C8orf58: variants seen among roughly 807,000 people sequenced by gnomAD.
C8orf58 encodes uncharacterized protein C8orf58.
C8orf58 carries 31 observed loss-of-function variants against 36.8 expected under a neutral mutation model. The observed-to-expected ratio is 0.84, with a 90% CI of 0.63 to 1.14. The LOEUF is 1.14. Ranked by LOEUF, C8orf58 falls within the 50% of genes most tolerant of loss-of-function variation. The pLI is 0.00. For missense variants in C8orf58, 538 were observed against 480.8 expected, an observed-to-expected ratio of 1.12 and a Z score of -1.11; for synonymous variants, 230 against 200.2, an observed-to-expected ratio of 1.15 and a Z score of -1.26.
At chr8:22,602,174 T>C in intron 4 of C8orf58, 26 bp from the exon 5 acceptor site, 2 of 1,573,406 alleles carry the variant, frequency 1.3e-6, no homozygotes, top group Non-Finnish European at 1.7e-6. Context: ...CTTCTGGCCC[T>C]GGCCAACCTG....
At position 22,601,844 on chromosome 8, in the gene C8orf58, C is replaced by A. The variant is rs571851428; in HGVS notation, c.649C>A (p.Pro217Thr). The change falls in exon 3 of 7, where the codon CCC (proline) becomes ACC (threonine). Residue 217 changes from proline (P) to threonine (T), a missense_variant. Pro to Thr is a conservative substitution (Grantham distance 38). Transcript: ENST00000289989. ...QLYLQLRIQR[P>T]PGDPGEEEST... ...CTACCTGCAGCTGCGGATCCAGAGG[C>A]CCCCAGGGGTGAGTGAGATTCGAGT... is the stretch of plus-strand genomic sequence containing the variant. 14 of 1,604,400 alleles carry A rather than the reference C, an allele frequency of 8.7e-6. No homozygotes were observed. Among genetic ancestry groups the A allele is most frequent in the Middle Eastern group, 1.7e-4 (1 of 6,006 alleles).
intron 2 of C8orf58, 54 bp from the exon 3 acceptor site, chr8:22,601,658 G>A: frequency 1.3e-6 from 2 of 1,547,172 alleles, no homozygotes; most frequent in Non-Finnish European, 1.7e-6. Flanking sequence ...GCTGCTTAGG[G>A]TAGGGCAGGA....
Position 22,603,448 on chromosome 8 carries a change from C to T in C8orf58, c.*142C>T. ...TCCTCTCTTGAGTCGAGGGCTGAAT[C>T]TTTCTCCTCTAAGCAGTCTGGTCAG... On this transcript the variant is annotated 3_prime_UTR_variant, in exon 7 of 7. Transcript: ENST00000289989. 2.8e-6 allele frequency: 2 copies of T among 712,496 alleles called. No homozygotes were observed. Among genetic ancestry groups the T allele is most frequent in the South Asian group, 3.0e-5 (2 of 67,128 alleles). 44.1% of individuals were successfully genotyped at this position (712,496 alleles called of 1,614,324 possible).
Position 22,601,766 on chromosome 8 carries a change from T to C in C8orf58, c.571T>C (p.Tyr191His). 6.2e-7 allele frequency: 1 copy of C among 1,612,342 alleles called. No homozygotes were observed. The highest frequency in any genetic ancestry group is 8.5e-7 in the Non-Finnish European group (1 of 1,179,766). ...WACLPGQGLRYLEHLCLVLEQ... is the reference protein window; with the variant it reads ...WACLPGQGLRHLEHLCLVLEQ... ...CTGCCTCCCCGGGCAGGGTCTTCGC[T>C]ATCTGGAACACCTGTGCCTGGTGCT... Residue 191 changes from tyrosine (Y) to histidine (H), a missense_variant, in exon 3 of 7, where the codon TAT becomes CAT. Transcript: ENST00000289989.
chr8:22,600,976 C>G lies in C8orf58; in HGVS notation c.135C>G (p.Ser45=), dbSNP rs868537785. Residue 45 remains serine (S), a synonymous_variant, in exon 2 of 7, where the codon TCC becomes TCG. Transcript: ENST00000289989. The stretch of plus-strand genomic sequence containing the variant: ...CCGACGCTGCCCACGGGTGCTCATC[C>G]TGGGAGAGAGGTGACAAGTTCAGAG... ...RIPDAAHGCS[S]WERGDKFRGV... 6.2e-7 allele frequency: 1 copy of G among 1,612,622 alleles called. No individual in the cohort carries two copies. The highest frequency in any genetic ancestry group is 1.7e-5 in the Admixed American group (1 of 60,006).
Position 22,601,202 on chromosome 8 carries a change from T to A in C8orf58, c.361T>A (p.Ser121Thr). 1.2e-6 allele frequency: 2 copies of A among 1,607,662 alleles called. No individual in the cohort carries two copies. The highest frequency in any genetic ancestry group is 1.7e-6 in the Non-Finnish European group (2 of 1,177,956). ...SQKLGEVLER[S>T]RRLPTAPTSL... ...GAAGCTGGGGGAGGTGTTGGAGCGG[T>A]CCCGCCGGCTCCCAACAGCTCCCAC... Residue 121 changes from serine (S) to threonine (T), a missense_variant, in exon 2 of 7, where the codon TCC (serine) becomes ACC (threonine). Ser to Thr is a moderately conservative substitution (Grantham distance 58). Coordinates refer to ENST00000289989, the MANE Select transcript of C8orf58 (RefSeq NM_001013842.3).
chr8:22,600,511 C>T (rs115435243), intron 1 of C8orf58: 1 of 279,184 alleles, frequency 3.6e-6, no homozygotes, highest in Non-Finnish European at 6.9e-6. Flanking sequence ...TGGATACAGT[C>T]CTACTCCCGC....
chr8:22,600,865 G>C lies in C8orf58; in HGVS notation c.41-17G>C. On this transcript the variant is annotated splice_polypyrimidine_tract_variant and intron_variant, in intron 1 of 6. Transcript: ENST00000289989. ...TTGGGGGTGGCCTGCCCAGCCTGAC[G>C]CTGACTCTCCATGCAGATGGGGCTG... 1 of 1,578,990 alleles carries C rather than the reference G, an allele frequency of 6.3e-7. No individual in the cohort carries two copies. Among genetic ancestry groups the C allele is most frequent in the South Asian group, 1.1e-5 (1 of 87,894 alleles).
At position 22,602,541 on chromosome 8, in the gene C8orf58, A is replaced by T. The variant is rs766267595; in HGVS notation, c.884A>T (p.Asp295Val). Residue 295 changes from aspartate to valine, a missense_variant, in exon 6 of 7, where the codon GAT becomes GTT. Transcript: ENST00000289989. ...HLPSSQGHKR[D>V]ISHWDKVKVL... ...GACCCCTCATCCTCTGCTCAGCGGG[A>T]TATCTCCCACTGGGACAAGGTCAAG... 1 of 1,610,696 alleles carries T rather than the reference A, an allele frequency of 6.2e-7. No individual in the cohort carries two copies. Among genetic ancestry groups the T allele is most frequent in the Non-Finnish European group, 8.5e-7 (1 of 1,177,962 alleles).
At chr8:22,601,622 C>G in intron 2 of C8orf58, 90 bp from the exon 3 acceptor site, 1 of 1,441,664 alleles carries the variant, frequency 6.9e-7, no homozygotes, top group Non-Finnish European at 9.4e-7. Context: ...CCACTCTGCT[C>G]CCATCTGCTG....
At position 22,601,778 on chromosome 8, in the gene C8orf58, C is replaced by T. The variant is rs917776463; in HGVS notation, c.583C>T (p.Leu195=). 3 of 1,612,376 alleles carry T rather than the reference C, an allele frequency of 1.9e-6. No individual in the cohort carries two copies. The East Asian group carries it at 6.7e-5, about 36-fold the overall frequency. Residue 195 remains leucine, a synonymous_variant, in exon 3 of 7, where the codon CTG becomes TTG. Coordinates refer to ENST00000289989, the MANE Select transcript of C8orf58 (RefSeq NM_001013842.3). ...GCAGGGTCTTCGCTATCTGGAACAC[C>T]TGTGCCTGGTGCTGGAGCAGATGGC... The part of the protein sequence containing the change: ...PGQGLRYLEH[L]CLVLEQMARL...
chr8:22,600,819 C>G, intron 1 of C8orf58, 63 bp from the exon 2 acceptor site: 1 of 1,373,030 alleles, frequency 7.3e-7, no homozygotes, highest in Non-Finnish European at 1.0e-6. Flanking sequence ...GTGCTGCCAG[C>G]CTTCAGGAAT....
intron 2 of C8orf58, 67 bp from the exon 3 acceptor site, chr8:22,601,645 C>T (rs1800860557): frequency 6.6e-7 from 1 of 1,515,032 alleles, no homozygotes; most frequent in Non-Finnish European, 8.9e-7. Context: ...TGAGCCCAGC[C>T]TGGCTGCTTA....
chr8:22,602,354 G>A (rs760433506), intron 5 of C8orf58, 42 bp downstream of exon 5: 4 of 1,226,626 alleles, frequency 3.3e-6, no homozygotes, highest in East Asian at 2.5e-5. Flanking sequence ...GGGCTGGGGT[G>A]GGGGGAGGGG....
intron 1 of C8orf58, among the ~76,000 whole-genome samples, chr8:22,600,681 C>T (rs1231811499): frequency 6.6e-6 from 1 of 152,256 alleles, no homozygotes; most frequent in Non-Finnish European, 1.5e-5. Flanking sequence ...GGTTCCCTGT[C>T]GCTAACAACC....
At chr8:22,602,132 C>A in intron 4 of C8orf58, 52 bp downstream of exon 4, 1 of 1,550,328 alleles carries the variant, frequency 6.5e-7, no homozygotes, top group Non-Finnish European at 8.7e-7. Context: ...GTCCCACCAG[C>A]AGGTCCTCTG....
intron 1 of C8orf58, 121 bp from the exon 2 acceptor site, chr8:22,600,761 C>G (rs1414464399): frequency 2.2e-5 from 18 of 812,932 alleles, no homozygotes; most frequent in Non-Finnish European, 3.1e-5. Flanking sequence ...CCGTGGCTGT[C>G]CAGTGACCGC....
At position 22,602,541 on chromosome 8, in the gene C8orf58, A is replaced by C; in HGVS notation, c.884A>C (p.Asp295Ala). ...GACCCCTCATCCTCTGCTCAGCGGG[A>C]TATCTCCCACTGGGACAAGGTCAAG... ...HLPSSQGHKR[D>A]ISHWDKVKVL... Residue 295 changes from aspartate (D) to alanine (A), a missense_variant, in exon 6 of 7, where the codon GAT becomes GCT. By Grantham distance (126) the Asp-to-Ala change is moderately radical. Transcript: ENST00000289989. 6.2e-7 allele frequency: 1 copy of C among 1,610,696 alleles called. No individual in the cohort carries two copies. Among genetic ancestry groups the C allele is most frequent in the South Asian group, 1.1e-5 (1 of 90,900 alleles).
intron 2 of C8orf58, 96 bp from the exon 3 acceptor site, chr8:22,601,616 T>C (rs1800859834): frequency 7.1e-7 from 1 of 1,410,188 alleles, no homozygotes; most frequent in African/African-American, 1.4e-5. Context: ...CGGGGCCCAC[T>C]CTGCTCCCAT....
Sources: allele counts gnomAD v4.1 joint callset (sites outside exome capture counted in the v4.1 genomes callset), GRCh38; gene constraint gnomAD v4.1.1; transcripts MANE v1.5; gene names NCBI Gene and HGNC (gene_info 2026-07-23, HGNC 2026-07-21).